TELO2: variants seen among roughly 807,000 people sequenced by gnomAD.
TELO2 encodes the protein telomere maintenance 2.
In TELO2, 71 loss-of-function variants were observed where a neutral mutation model predicts 91.0. The ratio of observed to expected loss-of-function variants is 0.78; its 90% CI spans 0.64 to 0.95. The LOEUF (loss-of-function observed/expected upper bound fraction) is 0.95, where lower values mean the gene tolerates loss of function less well. Among genes scored for constraint, TELO2 ranks in the 40% least tolerant of loss-of-function variants. The pLI is 0.00. For missense variants in TELO2, 1,183 were observed against 1,141.3 expected, an observed-to-expected ratio of 1.04 and a Z score of -0.53; for synonymous variants, 584 against 518.9, an observed-to-expected ratio of 1.13 and a Z score of -1.71.
In TELO2 at chr16:1,495,598, G is replaced by A; in HGVS notation, c.588G>A (p.Leu196=). 1.9e-6 allele frequency: 3 copies of A among 1,604,470 alleles called. No homozygotes were observed. Among genetic ancestry groups the A allele is most frequent in the Non-Finnish European group, 2.6e-6 (3 of 1,174,458 alleles). The part of the protein sequence containing the change: ...RLLGEEVVRV[L]QAVVDSLQGG... ...TCGGCGAGGAGGTCGTCCGGGTGCT[G>A]CAGGCGGTTGTGGACTCTCTCCAAG... is the stretch of plus-strand genomic sequence containing the variant. The change falls in exon 3 of 21, where the codon CTG becomes CTA. Residue 196 remains leucine (L), a synonymous_variant. Coordinates refer to ENST00000262319, the MANE Select transcript of TELO2 (RefSeq NM_016111.4).
chr16:1,507,785 T>C, intron 20 of TELO2, 69 bp downstream of exon 20: 1 of 1,285,598 alleles, frequency 7.8e-7, no homozygotes, highest in Non-Finnish European at 1.0e-6. Flanking sequence ...TGTGTGTGTG[T>C]GTGTGTGAGA....
At position 1,502,932 on chromosome 16, in the gene TELO2, T is replaced by G. The variant is rs142217951; in HGVS notation, c.1772T>G (p.Val591Gly). 162 of 1,610,782 alleles carry G rather than the reference T, an allele frequency of 1.0e-4. No homozygotes were observed. Among genetic ancestry groups the G allele is most frequent in the Non-Finnish European group, 1.3e-4 (153 of 1,179,980 alleles). The change falls in exon 15 of 21, where the codon GTG becomes GGG. Residue 591 changes from valine (V) to glycine (G), a missense_variant and splice_region_variant. Transcript: ENST00000262319. ...GCAGCCTCTCCCCTGTGTCCTCAGGTGGCCGACTATCTGACCTCACAGTTC... is the reference window on the plus strand; with the variant it reads ...GCAGCCTCTCCCCTGTGTCCTCAGGGGGCCGACTATCTGACCTCACAGTTC... The part of the protein sequence containing the change: ...VAVTVTDPAP[V>G]ADYLTSQFYA...
Position 1,506,346 on chromosome 16 carries a change from T to C in TELO2, c.2126+17T>C. ...CTTTGACAGGTGAGTGGGTTTTCCGTGGGCCTGTGGACTTGGGGGACAGGG... is the reference window on the plus strand; with the variant it reads ...CTTTGACAGGTGAGTGGGTTTTCCGCGGGCCTGTGGACTTGGGGGACAGGG... On this transcript the variant is annotated intron_variant, in intron 17 of 20. Coordinates refer to ENST00000262319, the MANE Select transcript of TELO2 (RefSeq NM_016111.4). The C allele has an allele frequency of 6.2e-7, 1 of 1,613,986 alleles. No homozygotes were observed. Among genetic ancestry groups the C allele is most frequent in the Non-Finnish European group, 8.5e-7 (1 of 1,179,956 alleles).
Position 1,501,464 on chromosome 16 carries a change from C to T in TELO2, c.1326C>T (p.Ser442=), listed in dbSNP as rs748795534. 4.3e-6 allele frequency: 7 copies of T among 1,611,704 alleles called. No individual in the cohort carries two copies. Among genetic ancestry groups the T allele is most frequent in the Non-Finnish European group, 5.9e-6 (7 of 1,179,362 alleles). ...GCCTCGAGCTGCTGGCCTTGGCCTC[C>T]CCCCAGCCTGCGGGTGACGGCGCCT... ...ELSLELLALA[S]PQPAGDGASE... is the part of the protein sequence containing the mutation. The change falls in exon 10 of 21, where the codon TCC becomes TCT. Residue 442 remains serine (S), a synonymous_variant. Transcript: ENST00000262319.
Position 1,502,743 on chromosome 16 carries a change from G to A in TELO2, c.1752G>A (p.Thr584=), listed in dbSNP as rs761765138. ...GLRQRALVAV[T]VTDPAPVADY... ...GCCAGAGAGCCCTGGTGGCCGTCAC[G>A]GTCACAGACCCGGCCCCGGTGAGTT... The change falls in exon 14 of 21, where the codon ACG becomes ACA. Residue 584 remains threonine, a synonymous_variant. Transcript: ENST00000262319. 15 of 1,612,090 alleles carry A rather than the reference G, an allele frequency of 9.3e-6. No individual in the cohort carries two copies. Among genetic ancestry groups the A allele is most frequent in the Admixed American group, 6.7e-5 (4 of 60,002 alleles).
At position 1,505,966 on chromosome 16, in the gene TELO2, C is replaced by T. The variant is rs2039877957; in HGVS notation, c.2035-272C>T. Reference sequence around the variant, plus strand: ...AGGCCACGGAGGCATCCTGCAGTGCCCAGGGCGGCCTCCCCAGGACGCTCC... The same window carrying T: ...AGGCCACGGAGGCATCCTGCAGTGCTCAGGGCGGCCTCCCCAGGACGCTCC... On this transcript the variant is annotated intron_variant, in intron 16 of 20. Coordinates refer to ENST00000262319, the MANE Select transcript of TELO2 (RefSeq NM_016111.4). The surrounding 1 kb of genome is among the most constrained non-coding windows in gnomAD (Gnocchi z 4.3). 6.6e-6 allele frequency among the ~76,000 whole-genome samples: 1 copy of T among 152,086 alleles called. No homozygotes were observed.
At position 1,494,496 on chromosome 16, in the gene TELO2, C is replaced by T; in HGVS notation, c.215C>T (p.Pro72Leu). The T allele has an allele frequency of 6.2e-7, 1 of 1,613,346 alleles. No homozygotes were observed. The highest frequency in any genetic ancestry group is 8.5e-7 in the Non-Finnish European group (1 of 1,179,930). The change falls in exon 2 of 21, where the codon CCA (proline) becomes CTA (leucine). Residue 72 changes from proline to leucine, a missense_variant. Transcript: ENST00000262319. This position sits in a 1 kb window ranked among gnomAD's most constrained non-coding sequence, Gnocchi z 5.6. ...AGATGTCTTGCCAGCAGGCTGAGCC[C>T]AGCCTGGCTGGAGCTGCTGCCCCAT... ...VLRCLASRLS[P>L]AWLELLPHGR... is the part of the protein sequence containing the mutation.
In TELO2 at chr16:1,500,467, G is replaced by A. The variant is rs1481539825; in HGVS notation, c.1123G>A (p.Glu375Lys). Residue 375 changes from glutamate (E) to lysine (K), a missense_variant, in exon 8 of 21, where the codon GAA (glutamate) becomes AAA (lysine). Transcript: ENST00000262319. Reference sequence around the variant, plus strand: ...CTGCCTGGCGCAACTCGGGGAGCCGGAACTGCGGGACAGCCGGGATGGTGA... The same window carrying A: ...CTGCCTGGCGCAACTCGGGGAGCCGAAACTGCGGGACAGCCGGGATGGTGA... ...LICLAQLGEP[E>K]LRDSRDELLA... 8.7e-6 allele frequency: 14 copies of A among 1,610,900 alleles called. No homozygotes were observed. The highest frequency in any genetic ancestry group is 1.2e-5 in the Non-Finnish European group (14 of 1,179,396).
Position 1,506,338 on chromosome 16 carries a change from G to A in TELO2, c.2126+9G>A. On this transcript the variant is annotated intron_variant, in intron 17 of 20. Transcript: ENST00000262319. ...CTTCAGCGCTTTGACAGGTGAGTGG[G>A]TTTTCCGTGGGCCTGTGGACTTGGG... The A allele has an allele frequency of 6.2e-7, 1 of 1,614,058 alleles. No homozygotes were observed. The highest frequency in any genetic ancestry group is 1.7e-5 in the Admixed American group (1 of 60,028).
intron 17 of TELO2, 32 bp from the exon 18 acceptor site, chr16:1,506,920 C>T (rs530403629): frequency 1.6e-5 from 25 of 1,574,322 alleles, no homozygotes; most frequent in Admixed American, 7.2e-5. Flanking sequence ...CTGAGGCACC[C>T]GCTGCACCTT....
In TELO2 at chr16:1,503,011, C is replaced by G. The variant is rs574406085; in HGVS notation, c.1842+9C>G. Reference sequence around the variant, plus strand: ...GCATGGACATCCTGGATGTAAGTGCCTCCTGGGCCTCAGTCCCCCTGGTCT... The same window carrying G: ...GCATGGACATCCTGGATGTAAGTGCGTCCTGGGCCTCAGTCCCCCTGGTCT... On this transcript the variant is annotated intron_variant, in intron 15 of 20. Coordinates refer to ENST00000262319, the MANE Select transcript of TELO2 (RefSeq NM_016111.4). 1 of 1,608,990 alleles carries G rather than the reference C, an allele frequency of 6.2e-7. No homozygotes were observed. The highest frequency in any genetic ancestry group is 8.5e-7 in the Non-Finnish European group (1 of 1,179,956).
intron 16 of TELO2, among the ~76,000 whole-genome samples, 177 bp from the exon 17 acceptor site, chr16:1,506,061 C>G (rs907854478): frequency 6.6e-6 from 1 of 152,200 alleles, no homozygotes; most frequent in African/African-American, 2.4e-5. Context: ...GGCCGCGGAG[C>G]CTGAGTCCCG....
rs1400242831 is a variant in TELO2 at position 1,500,600 on chromosome 16, C to T, written c.1182C>T (p.Arg394=). ...LASMMAGVKC[R]LDSSLPPVRR... is the part of the protein sequence containing the mutation. The stretch of plus-strand genomic sequence containing the variant: ...GCATGATGGCGGGCGTGAAGTGCCG[C>T]CTGGACAGTAGCCTGCCCCCCGTGC... Residue 394 remains arginine (R), a synonymous_variant, in exon 9 of 21, where the codon CGC becomes CGT. Transcript: ENST00000262319. 1 of 1,612,190 alleles carries T rather than the reference C, an allele frequency of 6.2e-7. No homozygotes were observed. Among genetic ancestry groups the T allele is most frequent in the South Asian group, 1.1e-5 (1 of 90,992 alleles).
Position 1,507,244 on chromosome 16 carries a change from T to C in TELO2, c.2227-62T>C, listed in dbSNP as rs561787797. 3.3e-4 allele frequency: 527 copies of C among 1,576,250 alleles called. 1 individual carries two copies. The highest frequency in any genetic ancestry group is 3.9e-4 in the Non-Finnish European group (455 of 1,159,252). On this transcript the variant is annotated intron_variant, in intron 18 of 20. Coordinates refer to ENST00000262319, the MANE Select transcript of TELO2 (RefSeq NM_016111.4). ...GCTGCCCAGCAGCGGAAGCCGCCCA[T>C]GGGTGCTGGGATGTGGGGACGGCGT...
At chr16:1,504,955 C>G (rs2141060198) in intron 15 of TELO2, among the ~76,000 whole-genome samples, 1 of 152,322 alleles carries the variant, frequency 6.6e-6, no homozygotes, top group South Asian at 2.1e-4. Flanking sequence ...CCCTCCCAGC[C>G]TGGGAGCCTC....
At chr16:1,501,941 G>A (rs983987441) in intron 11 of TELO2, 106 bp from the exon 12 acceptor site, 27 of 1,526,388 alleles carry the variant, frequency 1.8e-5, no homozygotes, top group African/African-American at 2.7e-5. Context: ...CGCAGGGGCC[G>A]AGGCGTGAGC....
rs751978549 is a variant in TELO2 at position 1,502,126 on chromosome 16, T to G, written c.1552T>G (p.Cys518Gly). 7 of 1,612,794 alleles carry G rather than the reference T, an allele frequency of 4.3e-6. No individual in the cohort carries two copies. Among genetic ancestry groups the G allele is most frequent in the Non-Finnish European group, 5.9e-6 (7 of 1,179,950 alleles). Residue 518 changes from cysteine to glycine, a missense_variant, in exon 12 of 21, where the codon TGC (cysteine) becomes GGC (glycine). By Grantham distance (159) the Cys-to-Gly change is radical. Transcript: ENST00000262319. Reference sequence around the variant, plus strand: ...CAAGGCTCCTGCCTACGTCCGGGACTGCGTGGAAGGTGGGCACGGGCCCCT... The same window carrying G: ...CAAGGCTCCTGCCTACGTCCGGGACGGCGTGGAAGGTGGGCACGGGCCCCT... ...SSKAPAYVRDCVEALTTSEDI... is the reference protein window; with the variant it reads ...SSKAPAYVRDGVEALTTSEDI...
chr16:1,496,202 A>AC (rs2039487248), intron 3 of TELO2, among the ~76,000 whole-genome samples: 1 of 151,892 alleles, frequency 6.6e-6, no homozygotes, highest in African/African-American at 2.4e-5. Context: ...TCCGGACTCC[A>AC]CCCTCCACAT....
rs556340600 is a variant in TELO2, at chr16:1,507,571, C to T, written c.2292-30C>T. The T allele has an allele frequency of 2.3e-5, 35 of 1,553,664 alleles. No homozygotes were observed. The Middle Eastern group carries it at 5.2e-4, about 23-fold the overall frequency. On this transcript the variant is annotated intron_variant, in intron 19 of 20. Transcript: ENST00000262319. ...GGGAGGTCTGGGGTGTGGTCCCTGC[C>T]GAGCTCAGCCCCCGCCTTCTTGCCG...
Sources: gnomAD v4.1 joint callset for allele counts (sites outside exome capture counted in the v4.1 genomes callset) on GRCh38, gnomAD v4.1.1 for gene constraint, Gnocchi (gnomAD v3.1) non-coding constraint, MANE v1.5 for transcripts, NCBI Gene and HGNC (gene_info 2026-07-23, HGNC 2026-07-21) for gene names.